NFIA: variants seen among roughly 807,000 people sequenced by gnomAD.
NFIA encodes nuclear factor 1 A-type.
A neutral mutation model predicts 62.8 loss-of-function variants in NFIA; 8 were observed. The observed-to-expected ratio is 0.13, with a 90% CI of 0.07 to 0.23. NFIA has a LOEUF of 0.23. Ranked by LOEUF, NFIA falls within the 10% of genes least tolerant of loss-of-function variation. The probability of loss-of-function intolerance (pLI) is 1.00; values close to 1 mark genes in which losing one functional copy is unlikely to be tolerated. For missense variants in NFIA, 410 were observed against 642.1 expected (o/e 0.64, Z 3.91); for synonymous variants, 235 against 238.1 (o/e 0.99, Z 0.12).
At chr1:61,262,993 A>G (rs1013084243) in intron 2 of NFIA, among the ~76,000 whole-genome samples, 15 of 152,342 alleles carry the variant, frequency 9.8e-5, no homozygotes, top group Admixed American at 9.8e-4. Context: ...ATTCTTACTT[A>G]TAACTTTTCC....
intron 2 of NFIA, among the ~76,000 whole-genome samples, chr1:61,165,854 A>G (rs1282877806): frequency 6.6e-6 from 1 of 152,218 alleles, no homozygotes; most frequent in Admixed American, 6.5e-5. Context: ...GGGAACTTTT[A>G]CAACATATAA....
At chr1:61,204,019 T>A (rs1652720062) in intron 2 of NFIA, among the ~76,000 whole-genome samples, 1 of 152,156 alleles carries the variant, frequency 6.6e-6, no homozygotes. Flanking sequence ...AGATACTGGT[T>A]TGTTTTCCAG....
intron 2 of NFIA, among the ~76,000 whole-genome samples, chr1:61,177,335 A>G (rs2100556439): frequency 6.6e-6 from 1 of 152,306 alleles, no homozygotes; most frequent in South Asian, 2.1e-4. Flanking sequence ...ATTGCTTTAA[A>G]TGTGTCAAGT....
chr1:61,204,672 C>CA (rs1263073778), intron 2 of NFIA, among the ~76,000 whole-genome samples: 4 of 151,898 alleles, frequency 2.6e-5, no homozygotes, highest in Admixed American at 1.3e-4. Context: ...CTGCCCCCCC[C>CA]ACCCTTGGGT....
chr1:61,345,670 T>C (rs542048154), intron 4 of NFIA, among the ~76,000 whole-genome samples: 37 of 152,272 alleles, frequency 2.4e-4, no homozygotes, highest in Non-Finnish European at 5.1e-4. Context: ...CAAACCCTAT[T>C]GTGAACTGCA....
At chr1:61,223,001 T>C (rs1654113559) in intron 2 of NFIA, among the ~76,000 whole-genome samples, 1 of 152,194 alleles carries the variant, frequency 6.6e-6, no homozygotes, top group Admixed American at 6.5e-5. Context: ...TTGTTTCTGC[T>C]CTGAAATTTT....
At chr1:61,176,536 TC>T (rs1203462093) in intron 2 of NFIA, among the ~76,000 whole-genome samples, 1 of 152,136 alleles carries the variant, frequency 6.6e-6, no homozygotes, top group African/African-American at 2.4e-5. Context: ...ATTGCTTACT[TC>T]CACTTAAAGC....
At chr1:61,405,790 A>G (rs1018589208) in intron 8 of NFIA, among the ~76,000 whole-genome samples, 2 of 152,152 alleles carry the variant, frequency 1.3e-5, no homozygotes, top group Non-Finnish European at 2.9e-5. Flanking sequence ...AATGGGTTTT[A>G]TTGCTCTCTT....
intron 10 of NFIA, among the ~76,000 whole-genome samples, chr1:61,431,898 C>G (rs1667111235): frequency 6.6e-6 from 1 of 152,190 alleles, no homozygotes; most frequent in Non-Finnish European, 1.5e-5. Flanking sequence ...TTCATAAGTT[C>G]CTTTCTTCAG....
chr1:61,194,725 A>G (rs1195686773), intron 2 of NFIA, among the ~76,000 whole-genome samples: 1 of 152,192 alleles, frequency 6.6e-6, no homozygotes, highest in Non-Finnish European at 1.5e-5. Context: ...GGCAAAGATA[A>G]CAAAGTAGAT....
chr1:61,381,935 C>T (rs1351246624), intron 6 of NFIA, among the ~76,000 whole-genome samples: 1 of 152,162 alleles, frequency 6.6e-6, no homozygotes, highest in East Asian at 1.9e-4. Context: ...AAGTGCTTGG[C>T]ACAGTACATG....
At position 61,162,720 on chromosome 1, in the gene NFIA, G is replaced by T. The variant is rs564491621; in HGVS notation, c.559+74040G>T. On this transcript the variant is annotated intron_variant, in intron 2 of 10. Transcript: ENST00000403491. ...ACATTCTGATTAGCCAGCAAGGGCA[G>T]TTAGGCCCGTAGCTGTGGTGTCTGC... 1.8e-4 allele frequency among the ~76,000 whole-genome samples: 27 copies of T among 152,230 alleles called. No homozygotes were observed. In the South Asian group the frequency reaches 4.4e-3, roughly 25 times the overall value.
chr1:61,201,002 C>T (rs1160574252), intron 2 of NFIA, among the ~76,000 whole-genome samples: 1 of 152,004 alleles, frequency 6.6e-6, no homozygotes, highest in East Asian at 1.9e-4. Flanking sequence ...TGTAGGGTTG[C>T]TGAAACACAG....
At chr1:61,240,923 T>C (rs1423492720) in intron 2 of NFIA, among the ~76,000 whole-genome samples, 2 of 151,860 alleles carry the variant, frequency 1.3e-5, no homozygotes, top group African/African-American at 2.4e-5. Context: ...TACGTAACTC[T>C]TGATTTTGGA....
At chr1:61,231,383 G>A (rs1203894752) in intron 2 of NFIA, among the ~76,000 whole-genome samples, 1 of 152,154 alleles carries the variant, frequency 6.6e-6, no homozygotes, top group African/African-American at 2.4e-5. Flanking sequence ...GATATAAATT[G>A]TGTTTATGTT....
At position 61,277,584 on chromosome 1, in the gene NFIA, T is replaced by A; in HGVS notation, c.624T>A (p.Asn208Lys). ...SDADIKDQPE[N>K]GHLGFQDSFV... ...CTGACATTAAGGACCAGCCAGAAAA[T>A]GGTAAGTTTAGCTTGGGACTCTAGC... The change falls in exon 3 of 11, where the codon AAT (asparagine) becomes AAA (lysine). Residue 208 changes from asparagine (N) to lysine (K), a missense_variant and splice_region_variant. Asn to Lys is a moderately conservative substitution (Grantham distance 94). Coordinates refer to ENST00000403491, the MANE Select transcript of NFIA (RefSeq NM_001134673.4). The A allele has an allele frequency of 6.2e-7, 1 of 1,613,504 alleles. No individual in the cohort carries two copies. Among genetic ancestry groups the A allele is most frequent in the Non-Finnish European group, 8.5e-7 (1 of 1,179,714 alleles).
In NFIA at chr1:61,279,782, T is replaced by C. The variant is rs556636017; in HGVS notation, c.625+2197T>C. The stretch of plus-strand genomic sequence containing the variant: ...GCATGAGAGGCCTGGCATGCCTTTC[T>C]GGAGCTGCCTGCAATCCCAATATTG... On this transcript the variant is annotated intron_variant, in intron 3 of 10. Coordinates refer to ENST00000403491, the MANE Select transcript of NFIA (RefSeq NM_001134673.4). Among the ~76,000 whole-genome samples the C allele has an allele frequency of 7.9e-5, 12 of 152,278 alleles. No individual in the cohort carries two copies. The South Asian group carries it at 1.9e-3, about 24-fold the overall frequency.
rs149423674 is a variant in NFIA, at chr1:61,302,873, GA to G, written c.625+25292del. 8.1e-3 allele frequency among the ~76,000 whole-genome samples: 1,227 copies of G among 152,116 alleles called. 23 individuals are homozygous for G. Among genetic ancestry groups the G allele is most frequent in the African/African-American group, 0.028 (1,169 of 41,514 alleles). On this transcript the variant is annotated intron_variant, in intron 3 of 10. Transcript: ENST00000403491. ...AATTCATCAAATTGCTGCCTTTTGG[GA>G]AAATAATTTCAGCATAGGAAAATTA... is the stretch of plus-strand genomic sequence containing the variant.
chr1:61,238,382 T>C (rs1655124214), intron 2 of NFIA, among the ~76,000 whole-genome samples: 1 of 152,212 alleles, frequency 6.6e-6, no homozygotes, highest in Non-Finnish European at 1.5e-5. Context: ...GAGTCGAGCA[T>C]AATTTATGAA....
Sources: allele counts gnomAD v4.1 joint callset (sites outside exome capture counted in the v4.1 genomes callset), GRCh38; gene constraint gnomAD v4.1.1; transcripts MANE v1.5; gene names NCBI Gene and HGNC (gene_info 2026-07-23, HGNC 2026-07-21).